SOX5: variants seen among roughly 807,000 people sequenced by gnomAD.
The protein encoded by SOX5 is transcription factor SOX-5.
SOX5 carries 9 observed loss-of-function variants against 92.0 expected under a neutral mutation model. The observed-to-expected ratio is 0.10, with a 90% confidence interval of 0.06 to 0.17. The LOEUF is 0.17. Ranked by LOEUF, SOX5 falls within the 10% of genes least tolerant of loss-of-function variation. The pLI, the probability that SOX5 is intolerant of heterozygous loss-of-function variation, is 1.00. For missense variants in SOX5, 642 were observed against 944.5 expected (o/e 0.68, Z 4.20); for synonymous variants, 344 against 336.3 (o/e 1.02, Z -0.25).
At chr12:23,910,994 A>G (rs1194685909) in intron 1 of SOX5, among the ~76,000 whole-genome samples, 1 of 152,140 alleles carries the variant, frequency 6.6e-6, no homozygotes, top group African/African-American at 2.4e-5. Context: ...GCCCACTTTC[A>G]GAAGTAATTG....
At chr12:23,534,593 AT>A in intron 14 of SOX5, 71 bp from the exon 15 acceptor site, 1 of 1,234,626 alleles carries the variant, frequency 8.1e-7, no homozygotes, top group Non-Finnish European at 1.1e-6. Flanking sequence ...TTACTACATA[AT>A]TAATTTGCTC....
chr12:23,734,502 A>T (rs1337032335), intron 6 of SOX5, among the ~76,000 whole-genome samples, 182 bp downstream of exon 6: 3 of 152,216 alleles, frequency 2.0e-5, no homozygotes, highest in African/African-American at 7.2e-5. Context: ...TCCCTGACAC[A>T]GTAGGGCCTG....
chr12:24,383,434 CAACT>C (rs1422197401), intron 1 of SOX5, among the ~76,000 whole-genome samples: 1 of 152,166 alleles, frequency 6.6e-6, no homozygotes, highest in Non-Finnish European at 1.5e-5. Context: ...TCTGTGGTTT[CAACT>C]AACTACAGTC....
intron 4 of SOX5, among the ~76,000 whole-genome samples, chr12:23,752,200 C>T (rs528266212): frequency 6.6e-6 from 1 of 151,072 alleles, no homozygotes; most frequent in South Asian, 2.1e-4. Flanking sequence ...GTTTGTGGGC[C>T]TGAATTAATG....
At chr12:24,398,052 A>G (rs955860123) in intron 1 of SOX5, among the ~76,000 whole-genome samples, 1 of 152,038 alleles carries the variant, frequency 6.6e-6, no homozygotes, top group South Asian at 2.1e-4. Context: ...GGGTTTCACC[A>G]TGTTAGCCAG....
chr12:24,124,331 A>G (rs148420762), intron 4 of SOX5, among the ~76,000 whole-genome samples: 1 of 152,316 alleles, frequency 6.6e-6, no homozygotes, highest in Non-Finnish European at 1.5e-5. Flanking sequence ...TGCTATGCAT[A>G]CAACAGGTCT....
chr12:24,432,457 T>C (rs1052329789), intron 1 of SOX5, among the ~76,000 whole-genome samples: 1 of 152,138 alleles, frequency 6.6e-6, no homozygotes, highest in Non-Finnish European at 1.5e-5. Context: ...TCCTGAATAA[T>C]AGGATACTAT....
chr12:23,801,105 C>A (rs576703395), intron 3 of SOX5, among the ~76,000 whole-genome samples: 1 of 152,164 alleles, frequency 6.6e-6, no homozygotes, highest in Admixed American at 6.5e-5. Flanking sequence ...AATAGGAAGT[C>A]TTGTTACTTG....
chr12:24,501,319 C>A (rs1323341493), intron 1 of SOX5, among the ~76,000 whole-genome samples: 2 of 148,624 alleles, frequency 1.3e-5, no homozygotes, highest in Non-Finnish European at 3.0e-5. Context: ...GATAAAGGAC[C>A]AGGATAGGGG....
At chr12:23,983,507 C>T (rs1949788788) in intron 4 of SOX5, among the ~76,000 whole-genome samples, 1 of 152,128 alleles carries the variant, frequency 6.6e-6, no homozygotes, top group Non-Finnish European at 1.5e-5. Flanking sequence ...ATTACTTTTC[C>T]TCATCTGTAA....
At chr12:23,981,887 G>A (rs1390869240) in intron 4 of SOX5, among the ~76,000 whole-genome samples, 1 of 152,018 alleles carries the variant, frequency 6.6e-6, no homozygotes, top group African/African-American at 2.4e-5. Flanking sequence ...ATTAACTAGA[G>A]TTCTTTACAC....
chr12:23,850,010 A>G (rs1222860541), intron 2 of SOX5, among the ~76,000 whole-genome samples: 1 of 152,184 alleles, frequency 6.6e-6, no homozygotes, highest in African/African-American at 2.4e-5. Flanking sequence ...ATGCATGTTC[A>G]GTAATTTGGG....
At chr12:23,627,130 G>A (rs2077932799) in intron 8 of SOX5, among the ~76,000 whole-genome samples, 1 of 152,054 alleles carries the variant, frequency 6.6e-6, no homozygotes, top group African/African-American at 2.4e-5. Context: ...TAACACAATG[G>A]CTTGCCCTTC....
rs1278396570 is a variant in SOX5 at position 24,379,878 on chromosome 12, T to TTTTTTC, written c.-250-11240_-250-11239insGAAAAA. Among the ~76,000 whole-genome samples, 6 of 151,634 alleles carry TTTTTTC rather than the reference T, an allele frequency of 4.0e-5. 1 individual carries two copies. The stretch of plus-strand genomic sequence containing the variant: ...ATTATTACACCTTCCAGAAGATTCT[T>TTTTTTC]TTTTTTTTCTTCAGATGGGTTTAGA... On this transcript the variant is annotated intron_variant, in intron 1 of 4. Coordinates refer to the SOX5 transcript ENST00000446891.
chr12:23,991,354 T>G (rs1205794460), intron 4 of SOX5, among the ~76,000 whole-genome samples: 1 of 151,458 alleles, frequency 6.6e-6, no homozygotes, highest in African/African-American at 2.4e-5. Context: ...AAAAAATATA[T>G]ATATATATAC....
Position 24,193,218 on chromosome 12 carries a change from A to G in SOX5, c.-2+20125T>C, listed in dbSNP as rs114889189. Among the ~76,000 whole-genome samples the G allele has an allele frequency of 5.6e-3, 848 of 152,346 alleles. 6 individuals carry two copies. Among genetic ancestry groups the G allele is most frequent in the African/African-American group, 0.02 (823 of 41,584 alleles). ...CCTGCAGGAAGATATTAAGAGGCTG[A>G]ATGTAATTACTCGATTTGGAAACTG... On this transcript the variant is annotated intron_variant, in intron 4 of 4. Coordinates refer to the SOX5 transcript ENST00000446891.
At chr12:24,447,432 T>G (rs979837936) in intron 1 of SOX5, among the ~76,000 whole-genome samples, 18 of 152,010 alleles carry the variant, frequency 1.2e-4, no homozygotes, top group African/African-American at 4.3e-4. Flanking sequence ...AAGGAAAATC[T>G]GAGAAACTGT....
At chr12:24,547,778 T>C (rs935033727) in intron 1 of SOX5, among the ~76,000 whole-genome samples, 1 of 152,204 alleles carries the variant, frequency 6.6e-6, no homozygotes, top group Non-Finnish European at 1.5e-5. Flanking sequence ...ACTATACTTA[T>C]CCCAATAACA....
chr12:24,246,496 A>AC (rs1182386307), intron 3 of SOX5, among the ~76,000 whole-genome samples: 2 of 152,002 alleles, frequency 1.3e-5, no homozygotes, highest in Non-Finnish European at 2.9e-5. Context: ...CATGTTATCA[A>AC]CTTTTTTTTT....
Sources: allele counts gnomAD v4.1 joint callset (sites outside exome capture counted in the v4.1 genomes callset), GRCh38; gene constraint gnomAD v4.1.1; transcripts MANE v1.5; gene names NCBI Gene and HGNC (gene_info 2026-07-23, HGNC 2026-07-21).